Variants in OSBPL10 observed in about 807,000 individuals in gnomAD.
OSBPL10 encodes oxysterol binding protein like 10, also known as oxysterol-binding protein-related protein 10.
In OSBPL10, 49 loss-of-function variants were observed where a neutral mutation model predicts 81.7. The observed-to-expected ratio is 0.60, with a 90% CI of 0.48 to 0.76. The LOEUF (loss-of-function observed/expected upper bound fraction) is 0.76. OSBPL10 is among the 30% of genes least tolerant of loss of function. OSBPL10 has a pLI of 0.00. For missense variants in OSBPL10, 923 were observed against 987.8 expected, an observed-to-expected ratio of 0.93 and a Z score of 0.88; for synonymous variants, 419 against 383.6, an observed-to-expected ratio of 1.09 and a Z score of -1.08.
intron 1 of OSBPL10, among the ~76,000 whole-genome samples, chr3:32,050,642 T>C (rs1575092727): frequency 6.7e-6 from 1 of 148,894 alleles, no homozygotes; most frequent in East Asian, 2.0e-4. Context: ...TAAAGTCAGG[T>C]AATAAGAGAT....
chr3:31,831,484 A>G (rs966192005), intron 3 of OSBPL10, among the ~76,000 whole-genome samples: 7 of 152,190 alleles, frequency 4.6e-5, no homozygotes, highest in Non-Finnish European at 1.0e-4. Context: ...TGCAAAGGAA[A>G]CAAACAGACC....
At chr3:32,066,670 C>T (rs1699783186) in intron 1 of OSBPL10, 1 of 152,244 alleles carries the variant, frequency 6.6e-6, no homozygotes, top group African/African-American at 2.4e-5. Context: ...CATCAACAGA[C>T]AGTTTGCAAC....
intron 4 of OSBPL10, among the ~76,000 whole-genome samples, chr3:31,783,685 G>A (rs1341279924): frequency 2.0e-5 from 3 of 147,486 alleles, no homozygotes; most frequent in Non-Finnish European, 4.5e-5. Flanking sequence ...CAGCTACTCA[G>A]GAGGCAGAGG....
chr3:31,849,111 T>A (rs1700700853), intron 3 of OSBPL10, among the ~76,000 whole-genome samples: 1 of 152,196 alleles, frequency 6.6e-6, no homozygotes, highest in African/African-American at 2.4e-5. Context: ...CTTTTGAAAT[T>A]CTGCCAAGTC....
At chr3:31,904,685 A>G (rs1696351701) in intron 1 of OSBPL10, among the ~76,000 whole-genome samples, 1 of 152,172 alleles carries the variant, frequency 6.6e-6, no homozygotes, top group South Asian at 2.1e-4. Flanking sequence ...CTCTGGGAAC[A>G]CATAATCCCA....
At chr3:32,072,986 C>A (rs1699842900) in intron 1 of OSBPL10, among the ~76,000 whole-genome samples, 2 of 152,042 alleles carry the variant, frequency 1.3e-5, no homozygotes, top group African/African-American at 2.4e-5. Context: ...ACCTTCATAC[C>A]CCTCACCGTC....
chr3:32,039,365 A>T (rs1699550093), intron 2 of OSBPL10, among the ~76,000 whole-genome samples: 1 of 150,194 alleles, frequency 6.7e-6, no homozygotes, highest in Admixed American at 6.6e-5. Context: ...TTAATTAAAA[A>T]AAAAAAGAGG....
intron 2 of OSBPL10, among the ~76,000 whole-genome samples, chr3:31,986,597 A>T (rs1197466573): frequency 6.6e-6 from 1 of 152,142 alleles, no homozygotes; most frequent in East Asian, 1.9e-4. Context: ...TACAAAAAAA[A>T]GTTTATATTT....
chr3:31,667,168 T>C (rs1438404187), intron 10 of OSBPL10, among the ~76,000 whole-genome samples: 2 of 152,260 alleles, frequency 1.3e-5, no homozygotes, highest in African/African-American at 4.8e-5. Flanking sequence ...CATGTCATGA[T>C]ATGAACCACA....
chr3:31,952,614 T>A (rs917340866), intron 1 of OSBPL10, among the ~76,000 whole-genome samples: 1 of 152,148 alleles, frequency 6.6e-6, no homozygotes, highest in African/African-American at 2.4e-5. Flanking sequence ...CATACTACTA[T>A]GTAAAATCCA....
chr3:31,744,797 A>C lies in OSBPL10; in HGVS notation c.940+3113T>G, dbSNP rs902347987. Reference sequence around the variant, plus strand: ...CCAATGAAAATTAGGAAAAAAAAAAACAACGAATTTTCTAGGAAGCCCTGA... The same window carrying C: ...CCAATGAAAATTAGGAAAAAAAAAACCAACGAATTTTCTAGGAAGCCCTGA... On this transcript the variant is annotated intron_variant, in intron 5 of 11. Transcript: ENST00000396556. 7.2e-5 allele frequency among the ~76,000 whole-genome samples: 11 copies of C among 151,888 alleles called. 1 individual carries two copies. The highest frequency in any genetic ancestry group is 2.9e-5 in the Non-Finnish European group (2 of 67,968).
At chr3:31,821,412 A>G (rs1351509127) in intron 4 of OSBPL10, among the ~76,000 whole-genome samples, 1 of 152,140 alleles carries the variant, frequency 6.6e-6, no homozygotes, top group Non-Finnish European at 1.5e-5. Context: ...ATTCCAGCCA[A>G]CCTGCTTCAC....
chr3:31,959,081 G>A (rs972566761), intron 1 of OSBPL10, among the ~76,000 whole-genome samples: 3 of 152,132 alleles, frequency 2.0e-5, no homozygotes, highest in Non-Finnish European at 2.9e-5. Flanking sequence ...GGAGACGCAC[G>A]CAATGGAATC....
At chr3:31,869,304 C>T (rs1208508426) in intron 3 of OSBPL10, among the ~76,000 whole-genome samples, 1 of 152,152 alleles carries the variant, frequency 6.6e-6, no homozygotes, top group African/African-American at 2.4e-5. Context: ...CTCTGAACCC[C>T]ACAATATCAT....
intron 1 of OSBPL10, among the ~76,000 whole-genome samples, chr3:31,965,949 ATATAT>A (rs1433404670): frequency 4.8e-5 from 5 of 104,614 alleles, no homozygotes; most frequent in Admixed American, 2.6e-4. Flanking sequence ...AATAGATAAT[ATATAT>A]TATATATTAT....
At chr3:31,942,207 G>C (rs1697552026) in intron 1 of OSBPL10, among the ~76,000 whole-genome samples, 1 of 152,086 alleles carries the variant, frequency 6.6e-6, no homozygotes, top group African/African-American at 2.4e-5. Flanking sequence ...CCTGGGAGGC[G>C]GAGCTTGCAG....
chr3:31,878,705 T>A (rs1334142434), intron 2 of OSBPL10, among the ~76,000 whole-genome samples: 3 of 152,068 alleles, frequency 2.0e-5, no homozygotes, highest in African/African-American at 4.8e-5. Context: ...TAGCTCTTAG[T>A]CAAAAGAAAA....
At chr3:31,841,901 A>G (rs1400740019) in intron 3 of OSBPL10, among the ~76,000 whole-genome samples, 5 of 152,236 alleles carry the variant, frequency 3.3e-5, no homozygotes. Context: ...GAAAAATATC[A>G]ATAAAAGTGA....
intron 8 of OSBPL10, among the ~76,000 whole-genome samples, chr3:31,682,610 T>G (rs77798476): frequency 0.021 from 3,260 of 152,344 alleles, 56 homozygotes; most frequent in Non-Finnish European, 0.032. Context: ...CCAGCTCATC[T>G]GAAAGCTCAA....
Sources: gnomAD v4.1 joint callset for allele counts (sites outside exome capture counted in the v4.1 genomes callset) on GRCh38, gnomAD v4.1.1 for gene constraint, MANE v1.5 for transcripts, NCBI Gene and HGNC (gene_info 2026-07-23, HGNC 2026-07-21) for gene names.